The following DPP4 variants were observed in gnomAD, a reference collection of about 807,000 sequenced individuals.
DPP4 encodes the protein dipeptidyl peptidase 4, also known as ADCP-2.
In DPP4, 93 loss-of-function variants were observed where a neutral mutation model predicts 122.4. The ratio of observed to expected loss-of-function variants is 0.76; its 90% confidence interval spans 0.64 to 0.90. The LOEUF is 0.90. Ranked by LOEUF, DPP4 falls within the 40% of genes least tolerant of loss-of-function variation. DPP4 has a pLI of 0.00. For missense variants in DPP4, 914 were observed against 907.3 expected, an observed-to-expected ratio of 1.01 and a Z score of -0.09; for synonymous variants, 321 against 302.9, an observed-to-expected ratio of 1.06 and a Z score of -0.62.
At chr2:162,026,183 C>G (rs1039397002) in intron 10 of DPP4, among the ~76,000 whole-genome samples, 18 of 152,156 alleles carry the variant, frequency 1.2e-4, no homozygotes, top group Non-Finnish European at 2.2e-4. Flanking sequence ...ATTTACTGGG[C>G]ACTCGGGATG....
intron 2 of DPP4, among the ~76,000 whole-genome samples, chr2:162,065,287 C>T (rs1684911788): frequency 6.6e-6 from 1 of 152,160 alleles, no homozygotes; most frequent in African/African-American, 2.4e-5. Flanking sequence ...GAAGAGCATC[C>T]TCTTCTGCCC....
In DPP4 at chr2:162,005,763, G is replaced by A. The variant is rs563964575; in HGVS notation, c.2034C>T (p.Asp678=). The A allele has an allele frequency of 3.1e-6, 5 of 1,613,068 alleles. No homozygotes were observed. The highest frequency in any genetic ancestry group is 3.3e-5 in the Admixed American group (2 of 59,958). ...CTCTTACTCTGTAATGGTCAAGGTT[G>A]TCTTCTGGAGTTGGGAGACCCATGT... The part of the protein sequence containing the change: ...ERYMGLPTPE[D]NLDHYRNSTV... The change falls in exon 23 of 26, where the codon GAC becomes GAT. Residue 678 remains aspartate, a synonymous_variant. Transcript: ENST00000360534.
At chr2:162,038,452 C>T (rs763054476) in intron 7 of DPP4, 30 bp from the exon 8 acceptor site, 2 of 1,577,274 alleles carry the variant, frequency 1.3e-6, no homozygotes, top group South Asian at 2.3e-5. Context: ...GCATTGATAT[C>T]TATAATACAT....
rs80082793 is a variant in DPP4, at chr2:162,049,082, T to C, written c.95-1581A>G. Among the ~76,000 whole-genome samples, 307 of 152,238 alleles carry C rather than the reference T, an allele frequency of 2.0e-3. 1 individual carries two copies. Among genetic ancestry groups the C allele is most frequent in the African/African-American group, 7.2e-3 (298 of 41,552 alleles). On this transcript the variant is annotated intron_variant, in intron 2 of 25. Transcript: ENST00000360534. ...TACTTTTTCCACATACACACAAACA[T>C]ACACTCACAAAATCAGCCACCGTTA...
chr2:162,050,251 T>C (rs1684336588), intron 2 of DPP4, among the ~76,000 whole-genome samples: 2 of 152,216 alleles, frequency 1.3e-5, no homozygotes, highest in Admixed American at 1.3e-4. Context: ...TATCAAGAGG[T>C]ATTAGTTTAA....
At chr2:162,037,334 G>A (rs1304280221) in intron 8 of DPP4, among the ~76,000 whole-genome samples, 1 of 152,210 alleles carries the variant, frequency 6.6e-6, no homozygotes, top group African/African-American at 2.4e-5. Context: ...GGGTTGTGCT[G>A]TCCAAGGGTT....
Position 162,038,972 on chromosome 2 carries a change from A to G in DPP4, c.469T>C (p.Trp157Arg), listed in dbSNP as rs201879190. The change falls in exon 7 of 26, where the codon TGG becomes CGG. Residue 157 changes from tryptophan (W) to arginine (R), a missense_variant. Physicochemically the swap from Trp to Arg is moderately radical, Grantham distance 101 (BLOSUM62 -3). Coordinates refer to ENST00000360534, the MANE Select transcript of DPP4 (RefSeq NM_001935.4). The part of the protein sequence containing the change: ...RIPNNTQWVT[W>R]SPVGHKLAYV... Reference sequence around the variant, plus strand: ...ACCAATTTATGACCCACTGGTGACCATGTGACCCACTGTGTGTTGTTTGGA... The same window carrying G: ...ACCAATTTATGACCCACTGGTGACCGTGTGACCCACTGTGTGTTGTTTGGA... 2.5e-6 allele frequency: 4 copies of G among 1,613,492 alleles called. No homozygotes were observed. Among genetic ancestry groups the G allele is most frequent in the Non-Finnish European group, 3.4e-6 (4 of 1,179,504 alleles).
intron 2 of DPP4, among the ~76,000 whole-genome samples, chr2:162,064,503 A>C (rs1684888008): frequency 6.6e-6 from 1 of 152,074 alleles, no homozygotes; most frequent in South Asian, 2.1e-4. Flanking sequence ...TAATTATTTT[A>C]AGTCCTACTT....
intron 23 of DPP4, among the ~76,000 whole-genome samples, chr2:162,000,867 T>C (rs1297000184): frequency 2.0e-5 from 3 of 152,238 alleles, no homozygotes; most frequent in African/African-American, 7.2e-5. Context: ...TTCATAAATC[T>C]ATCCCCTCCC....
At chr2:162,067,025 T>C (rs945408304) in intron 2 of DPP4, among the ~76,000 whole-genome samples, 2 of 152,276 alleles carry the variant, frequency 1.3e-5, no homozygotes, top group African/African-American at 2.4e-5. Flanking sequence ...ATATCCCCCA[T>C]ACCTTCAATA....
At chr2:162,061,009 C>T (rs1684755537) in intron 2 of DPP4, among the ~76,000 whole-genome samples, 1 of 76,078 alleles carries the variant, frequency 1.3e-5, no homozygotes, top group Non-Finnish European at 2.6e-5. Context: ...TCCCTCCCTC[C>T]TTCCTTCCTT....
rs1047032899 is a variant in DPP4 at position 162,008,435 on chromosome 2, G to C, written c.1987+127C>G. On this transcript the variant is annotated intron_variant, in intron 22 of 25. Coordinates refer to ENST00000360534, the MANE Select transcript of DPP4 (RefSeq NM_001935.4). Reference sequence around the variant, plus strand: ...TCATCTTATTATAGGTATCCAAAAAGAACCTCTAAGATGAATCAGCCTATT... The same window carrying C: ...TCATCTTATTATAGGTATCCAAAAACAACCTCTAAGATGAATCAGCCTATT... The C allele has an allele frequency of 1.1e-5, 8 of 729,016 alleles. No homozygotes were observed. In the African/African-American group the frequency reaches 1.4e-4, roughly 13 times the overall value. 45.2% of individuals were successfully genotyped at this position (729,016 alleles called of 1,614,324 possible).
At position 162,024,916 on chromosome 2, in the gene DPP4, G is replaced by A. The variant is rs1370626715; in HGVS notation, c.911C>T (p.Thr304Ile). 2 of 1,613,634 alleles carry A rather than the reference G, an allele frequency of 1.2e-6. No individual in the cohort carries two copies. The highest frequency in any genetic ancestry group is 2.2e-5 in the South Asian group (2 of 91,070). ...LIGDHYLCDV[T>I]WATQERISLQ... ...AGAAATTCTTTCTTGTGTTGCCCAT[G>A]TCACATCACACAAGTAGTGATCCCT... The change falls in exon 11 of 26, where the codon ACA (threonine) becomes ATA (isoleucine). Residue 304 changes from threonine to isoleucine, a missense_variant. Physicochemically the swap from Thr to Ile is moderately conservative, Grantham distance 89 (BLOSUM62 -1). Coordinates refer to ENST00000360534, the MANE Select transcript of DPP4 (RefSeq NM_001935.4).
intron 5 of DPP4, among the ~76,000 whole-genome samples, chr2:162,044,852 T>C (rs1487175092): frequency 6.6e-6 from 1 of 152,116 alleles, no homozygotes; most frequent in Admixed American, 6.5e-5. Flanking sequence ...CTCCTTAGAA[T>C]AGTTTGTATA....
rs1330994056 is a variant in DPP4 at position 161,993,268 on chromosome 2, T to C, written c.*15A>G. The C allele has an allele frequency of 6.3e-7, 1 of 1,575,594 alleles. No individual in the cohort carries two copies. Among genetic ancestry groups the C allele is most frequent in the South Asian group, 1.1e-5 (1 of 90,194 alleles). On this transcript the variant is annotated 3_prime_UTR_variant, in exon 26 of 26. Transcript: ENST00000360534. Reference sequence around the variant, plus strand: ...GAGTTTTAATAAGCTTTAAATGGCATGGTATTTTGAGGTGCTAAGGTAAAG... The same window carrying C: ...GAGTTTTAATAAGCTTTAAATGGCACGGTATTTTGAGGTGCTAAGGTAAAG...
At chr2:162,063,387 T>TAC (rs1684847780) in intron 2 of DPP4, among the ~76,000 whole-genome samples, 2 of 151,832 alleles carry the variant, frequency 1.3e-5, no homozygotes, top group African/African-American at 4.8e-5. Flanking sequence ...TTGTAAATGG[T>TAC]ATTTGAGGCC....
chr2:162,047,534 A>G (rs774530213), intron 2 of DPP4, 33 bp from the exon 3 acceptor site: 1 of 1,443,174 alleles, frequency 6.9e-7, no homozygotes, highest in South Asian at 1.3e-5. Flanking sequence ...TGTTCATTTC[A>G]GTAAGATGGA....
chr2:162,050,278 A>T (rs1306318055), intron 2 of DPP4, among the ~76,000 whole-genome samples: 2 of 152,210 alleles, frequency 1.3e-5, no homozygotes, highest in Non-Finnish European at 2.9e-5. Context: ...CTTAAAACAC[A>T]CCCTAAATTA....
chr2:162,029,401 G>A (rs1374270387), intron 10 of DPP4, among the ~76,000 whole-genome samples: 1 of 152,204 alleles, frequency 6.6e-6, no homozygotes, highest in African/African-American at 2.4e-5. Context: ...CTGGCCTCAG[G>A]CTCCATGCCA....
Sources: allele counts gnomAD v4.1 joint callset (sites outside exome capture counted in the v4.1 genomes callset), GRCh38; gene constraint gnomAD v4.1.1; transcripts MANE v1.5; gene names NCBI Gene and HGNC (gene_info 2026-07-23, HGNC 2026-07-21).